Variants in CNKSR3 observed in about 807,000 individuals in gnomAD.
The protein encoded by CNKSR3 is CNKSR family member 3.
A neutral mutation model predicts 67.7 loss-of-function variants in CNKSR3; 36 were observed. The ratio of observed to expected loss-of-function variants is 0.53; its 90% CI spans 0.41 to 0.70. The LOEUF (loss-of-function observed/expected upper bound fraction) is 0.70, where lower values mean the gene tolerates loss of function less well. Among genes scored for constraint, CNKSR3 ranks in the 30% least tolerant of loss-of-function variants. The pLI is 0.00. For synonymous variants in CNKSR3, 281 were observed against 271.4 expected (o/e 1.04, Z -0.35); for missense variants, 630 against 695.2 (o/e 0.91, Z 1.05).
In CNKSR3 at chr6:154,454,835, T is replaced by A. The variant is rs71573685; in HGVS notation, c.53-4577A>T. Reference sequence around the variant, plus strand: ...CTATACCTGGCAGAAAAAAAAAAAATAATAATAAAATTTTTGAAAGAGAAT... The same window carrying A: ...CTATACCTGGCAGAAAAAAAAAAAAAAATAATAAAATTTTTGAAAGAGAAT... On this transcript the variant is annotated intron_variant, in intron 1 of 12. Transcript: ENST00000607772. Among the ~76,000 whole-genome samples the A allele has an allele frequency of 7.9e-3, 1,192 of 151,486 alleles. 9 individuals carry two copies. Among genetic ancestry groups the A allele is most frequent in the Admixed American group, 0.012 (187 of 15,218 alleles).
rs1037919867 is a variant in CNKSR3, at chr6:154,389,065, G to A, written c.*17289C>T. Reference sequence around the variant, plus strand: ...AGGTTTTCTTTTCACTCTGTTGATTGTTGCCTTTGCTGTGAGAAGCTTTGT... The same window carrying A: ...AGGTTTTCTTTTCACTCTGTTGATTATTGCCTTTGCTGTGAGAAGCTTTGT... On this transcript the variant is annotated 3_prime_UTR_variant, in exon 13 of 13. Coordinates refer to ENST00000607772, the MANE Select transcript of CNKSR3 (RefSeq NM_173515.4). 6.7e-6 allele frequency: 1 copy of A among 149,044 alleles called. No homozygotes were observed. The highest frequency in any genetic ancestry group is 1.5e-5 in the Non-Finnish European group (1 of 67,420). The allele number at this position is 149,044 out of a possible 1,614,324, so 9.2% of individuals were successfully genotyped here.
chr6:154,406,186 A>G lies in CNKSR3; in HGVS notation c.*168T>C. The G allele has an allele frequency of 3.1e-6, 2 of 651,296 alleles. No homozygotes were observed. Among genetic ancestry groups the G allele is most frequent in the Non-Finnish European group, 2.6e-6 (1 of 383,516 alleles). The allele number at this position is 651,296 out of a possible 1,614,324, so 40.3% of individuals were successfully genotyped here. A position where few individuals can be genotyped will look rare whatever the true frequency, so the allele number is the denominator to read the frequency against. The stretch of plus-strand genomic sequence containing the variant: ...CCTAAGATCCTCTGAATTTGTTCCC[A>G]TCCAATCCTGCAAACTTCCAAGAAG... On this transcript the variant is annotated 3_prime_UTR_variant, in exon 13 of 13. Transcript: ENST00000607772.
intron 1 of CNKSR3, among the ~76,000 whole-genome samples, chr6:154,502,918 G>A (rs564933302): frequency 6.6e-6 from 1 of 152,264 alleles, no homozygotes; most frequent in East Asian, 1.9e-4. Context: ...AGTGACACAG[G>A]CATGGGGACA....
In CNKSR3 at chr6:154,400,171, A is replaced by G. The variant is rs1784701120; in HGVS notation, c.*6183T>C. ...AGCTTGGTAAAGGAGGCCAGCAAGT[A>G]ACAGGTTGGCTGTGAGCGTGACATG... On this transcript the variant is annotated 3_prime_UTR_variant, in exon 13 of 13. Transcript: ENST00000607772. 2 of 152,218 alleles carry G rather than the reference A, an allele frequency of 1.3e-5. No homozygotes were observed. The highest frequency in any genetic ancestry group is 1.3e-4 in the Admixed American group (2 of 15,280). 9.4% of individuals were successfully genotyped at this position (152,218 alleles called of 1,614,324 possible).
chr6:154,454,116 G>GCCC, intron 1 of CNKSR3, among the ~76,000 whole-genome samples: 1 of 128,120 alleles, frequency 7.8e-6, no homozygotes, highest in East Asian at 2.2e-4. Context: ...GAGAGAGAGA[G>GCCC]AGAGAGAGAG....
chr6:154,495,955 T>G lies in CNKSR3; in HGVS notation c.52+14108A>C, dbSNP rs556592836. On this transcript the variant is annotated intron_variant, in intron 1 of 12. Coordinates refer to ENST00000607772, the MANE Select transcript of CNKSR3 (RefSeq NM_173515.4). ...TCATCAAGACACCAGCTTTCAAAGC[T>G]CTGTATTATATCTCTATTATCTAGT... Among the ~76,000 whole-genome samples, 6 of 152,042 alleles carry G rather than the reference T, an allele frequency of 3.9e-5. No homozygotes were observed. The East Asian group carries it at 9.7e-4, about 24-fold the overall frequency.
intron 1 of CNKSR3, among the ~76,000 whole-genome samples, chr6:154,485,862 T>C (rs1786655484): frequency 6.6e-6 from 1 of 152,196 alleles, no homozygotes; most frequent in Non-Finnish European, 1.5e-5. Flanking sequence ...AGCAGATCTT[T>C]CCAAATAACT....
At chr6:154,498,328 T>C (rs1171433822) in intron 1 of CNKSR3, among the ~76,000 whole-genome samples, 1 of 151,414 alleles carries the variant, frequency 6.6e-6, no homozygotes, top group East Asian at 1.9e-4. Context: ...AACTGGTCCA[T>C]AGATATGTTT....
intron 1 of CNKSR3, among the ~76,000 whole-genome samples, chr6:154,478,106 A>C (rs1786491220): frequency 6.6e-6 from 1 of 152,176 alleles, no homozygotes; most frequent in African/African-American, 2.4e-5. Flanking sequence ...AAGTCCTCTC[A>C]AGAAAGGTGA....
intron 9 of CNKSR3, among the ~76,000 whole-genome samples, chr6:154,418,109 A>G (rs1785059111): frequency 2.0e-5 from 3 of 152,176 alleles, no homozygotes; most frequent in Admixed American, 6.5e-5. Flanking sequence ...CAGCTGCTAA[A>G]GCACACAGCT....
chr6:154,506,665 C>T (rs142834929), intron 1 of CNKSR3, among the ~76,000 whole-genome samples: 2 of 152,316 alleles, frequency 1.3e-5, no homozygotes, highest in African/African-American at 4.8e-5. Context: ...AAGATGGCAG[C>T]GCCATGGAAC....
chr6:154,493,784 T>TAC lies in CNKSR3; in HGVS notation c.52+16277_52+16278dup, dbSNP rs530213904. Among the ~76,000 whole-genome samples the TAC allele has an allele frequency of 3.3e-5, 5 of 152,134 alleles. No homozygotes were observed. In the East Asian group the frequency reaches 9.7e-4, roughly 30 times the overall value. ...GGAGAGAGCACCAAGAGGAAAGTGA[T>TAC]ACACTGTCAAATCAATCAGATCTCT... is the stretch of plus-strand genomic sequence containing the variant. On this transcript the variant is annotated intron_variant, in intron 1 of 12. Transcript: ENST00000607772.
At position 154,414,399 on chromosome 6, in the gene CNKSR3, G is replaced by A. The variant is rs1339885407; in HGVS notation, c.970C>T (p.Gln324Ter). The A allele has an allele frequency of 1.2e-6, 2 of 1,601,642 alleles. No individual in the cohort carries two copies. Among genetic ancestry groups the A allele is most frequent in the Admixed American group, 1.8e-5 (1 of 57,020 alleles). The change falls in exon 10 of 13, where the codon CAG becomes TAG. Residue 324 changes from glutamine to a stop codon, truncating the protein, a stop_gained. Transcript: ENST00000607772. LOFTEE classifies it high-confidence loss of function. ...GTATCCATAGTGCTTTCAGGGGACTGGGTTGTCGCGGGTGGAGGTGAGGTC... is the reference window on the plus strand; with the variant it reads ...GTATCCATAGTGCTTTCAGGGGACTAGGTTGTCGCGGGTGGAGGTGAGGTC... ...VQTSPPPATT[Q>*]SPESTMDTSL...
intron 7 of CNKSR3, among the ~76,000 whole-genome samples, chr6:154,424,764 G>T (rs72995406): frequency 0.035 from 5,316 of 151,970 alleles, 108 homozygotes; most frequent in Non-Finnish European, 0.043. Context: ...TTGTTTTTTT[G>T]TTGTTGTTGT....
intron 4 of CNKSR3, 128 bp from the exon 5 acceptor site, chr6:154,433,635 G>T: frequency 1.5e-6 from 1 of 680,962 alleles, no homozygotes; most frequent in Non-Finnish European, 2.6e-6. Flanking sequence ...AGCCTGCACA[G>T]TCCTGCAGGA....
chr6:154,483,233 C>T (rs947553635), intron 1 of CNKSR3, among the ~76,000 whole-genome samples: 1 of 152,220 alleles, frequency 6.6e-6, no homozygotes, highest in Non-Finnish European at 1.5e-5. Context: ...CCACACTAGT[C>T]ACAGCCTGTT....
chr6:154,417,847 C>T (rs751728009), intron 9 of CNKSR3, among the ~76,000 whole-genome samples: 22 of 152,056 alleles, frequency 1.4e-4, no homozygotes, highest in African/African-American at 5.3e-4. Flanking sequence ...TCTACCACCC[C>T]GTATGGCAGG....
At chr6:154,424,186 G>A (rs148147502) in intron 7 of CNKSR3, among the ~76,000 whole-genome samples, 2,779 of 147,916 alleles carry the variant, frequency 0.019, 49 homozygotes, top group African/African-American at 0.043. Context: ...AGCCGAGATC[G>A]CGCCACTGCA....
chr6:154,451,382 A>G (rs974584557), intron 1 of CNKSR3, among the ~76,000 whole-genome samples: 1 of 152,284 alleles, frequency 6.6e-6, no homozygotes, highest in Non-Finnish European at 1.5e-5. Context: ...TTTAAAAGTT[A>G]TATAAACTCA....
Sources: gnomAD v4.1 joint callset for allele counts (sites outside exome capture counted in the v4.1 genomes callset) on GRCh38, gnomAD v4.1.1 for gene constraint, MANE v1.5 for transcripts, NCBI Gene and HGNC (gene_info 2026-07-23, HGNC 2026-07-21) for gene names.